The following EVL variants were observed in gnomAD, a reference collection of about 807,000 sequenced individuals.
EVL encodes Enah/Vasp-like, also known as ena/VASP-like protein.
In EVL, 21 loss-of-function variants were observed where a neutral mutation model predicts 59.6. The observed-to-expected ratio is 0.35, with a 90% CI of 0.25 to 0.51. The LOEUF is 0.51. EVL is among the 20% of genes least tolerant of loss of function. The pLI, the probability that EVL is intolerant of heterozygous loss-of-function variation, is 0.97. For synonymous variants in EVL, 198 were observed against 203.5 expected, an observed-to-expected ratio of 0.97 and a Z score of 0.23; for missense variants, 462 against 546.6, an observed-to-expected ratio of 0.85 and a Z score of 1.54.
intron 2 of EVL, among the ~76,000 whole-genome samples, chr14:100,094,830 A>G (rs928912601): frequency 4.6e-5 from 7 of 152,168 alleles, no homozygotes; most frequent in Non-Finnish European, 7.4e-5. Context: ...TCACGAGGTC[A>G]GGAGATTGAG....
chr14:99,982,356 C>G (rs947815733), intron 1 of EVL, among the ~76,000 whole-genome samples: 1 of 151,948 alleles, frequency 6.6e-6, no homozygotes, highest in Admixed American at 6.6e-5. Flanking sequence ...ATAATTTATT[C>G]GTAATATATA....
intron 1 of EVL, among the ~76,000 whole-genome samples, chr14:99,988,832 T>A (rs1227901808): frequency 6.6e-6 from 1 of 152,194 alleles, no homozygotes; most frequent in Admixed American, 6.5e-5. Context: ...ATTGTATGAT[T>A]CCATTTACAT....
intron 3 of EVL, among the ~76,000 whole-genome samples, chr14:100,113,532 C>G (rs563554031): frequency 4.1e-4 from 63 of 152,180 alleles, no homozygotes; most frequent in African/African-American, 1.4e-3. Context: ...GGTCAAAGGC[C>G]CACTAGAATC....
rs577041196 is a variant in EVL, at chr14:100,006,378, G to A, written c.5+34321G>A. Reference sequence around the variant, plus strand: ...TGGCTCACTGCAACCTCCGCCTCCCGTGTTCAAGCAATTCTCCTGCGTCAG... The same window carrying A: ...TGGCTCACTGCAACCTCCGCCTCCCATGTTCAAGCAATTCTCCTGCGTCAG... On this transcript the variant is annotated intron_variant, in intron 1 of 13. Transcript: ENST00000402714. 4.7e-5 allele frequency among the ~76,000 whole-genome samples: 7 copies of A among 149,666 alleles called. No homozygotes were observed. In the South Asian group the frequency reaches 8.5e-4, roughly 18 times the overall value.
In EVL at chr14:100,129,583, C is replaced by T; in HGVS notation, c.738C>T (p.Gly246=). 1.2e-6 allele frequency: 2 copies of T among 1,613,724 alleles called. No homozygotes were observed. Among genetic ancestry groups the T allele is most frequent in the Non-Finnish European group, 1.7e-6 (2 of 1,179,944 alleles). ...RVQRPEDASG[G]SSPSGTSKSD... Reference sequence around the variant, plus strand: ...CTCAGCCAGAAGACGCATCTGGAGGCTCCAGTCCCAGTGGGACCTCAAAGT... The same window carrying T: ...CTCAGCCAGAAGACGCATCTGGAGGTTCCAGTCCCAGTGGGACCTCAAAGT... Residue 246 remains glycine (G), a synonymous_variant, in exon 7 of 14, where the codon GGC becomes GGT. Transcript: ENST00000392920.
intron 11 of EVL, chr14:100,140,950 G>T: frequency 2.0e-6 from 1 of 491,530 alleles, no homozygotes; most frequent in South Asian, 3.1e-5. Flanking sequence ...ACCCCAGCCA[G>T]CCTTGGCTCT....
At chr14:100,009,381 A>G (rs897834535) in intron 1 of EVL, among the ~76,000 whole-genome samples, 6 of 152,186 alleles carry the variant, frequency 3.9e-5, no homozygotes, top group African/African-American at 1.2e-4. Context: ...TGAAATTCCC[A>G]CAGTGTTCAT....
At position 99,972,461 on chromosome 14, in the gene EVL, G is replaced by A. The variant is rs2060740623; in HGVS notation, c.5+404G>A. ...GCCCCTGTGCGGTGCCTTCCAGCCC[G>A]GAGGAGGCTGGCCTGAAGCCCCCAG... On this transcript the variant is annotated intron_variant, in intron 1 of 13. Transcript: ENST00000402714. The surrounding 1 kb of genome is among the most constrained non-coding windows in gnomAD (Gnocchi z 4.4). Among the ~76,000 whole-genome samples the A allele has an allele frequency of 6.6e-6, 1 of 152,162 alleles. No individual in the cohort carries two copies. The highest frequency in any genetic ancestry group is 6.5e-5 in the Admixed American group (1 of 15,286).
rs778275486 is a variant in EVL, at chr14:100,132,698, C to G, written c.840-21C>G. The G allele has an allele frequency of 2.5e-6, 4 of 1,613,908 alleles. No homozygotes were observed. In the South Asian group the frequency reaches 4.4e-5, roughly 18 times the overall value. Reference sequence around the variant, plus strand: ...GAGAACGTGAGGAGCTGATCTGTATCTTCCCCTTCTCTGTGCCTAGGAGAA... The same window carrying G: ...GAGAACGTGAGGAGCTGATCTGTATGTTCCCCTTCTCTGTGCCTAGGAGAA... On this transcript the variant is annotated intron_variant, in intron 7 of 13. Transcript: ENST00000392920.
chr14:100,137,566 A>G lies in EVL; in HGVS notation c.965-12A>G. Reference sequence around the variant, plus strand: ...ACCTGTGAGGTTCTTCATCCATGAAATGAACTGACAGAGGCTGGCCGGAAG... The same window carrying G: ...ACCTGTGAGGTTCTTCATCCATGAAGTGAACTGACAGAGGCTGGCCGGAAG... On this transcript the variant is annotated splice_polypyrimidine_tract_variant and intron_variant, in intron 9 of 13. Transcript: ENST00000392920. 6.2e-7 allele frequency: 1 copy of G among 1,613,696 alleles called. No homozygotes were observed. The highest frequency in any genetic ancestry group is 8.5e-7 in the Non-Finnish European group (1 of 1,179,970).
chr14:100,118,536 CA>C (rs1887494398), intron 3 of EVL, among the ~76,000 whole-genome samples: 1 of 152,200 alleles, frequency 6.6e-6, no homozygotes, highest in African/African-American at 2.4e-5. Flanking sequence ...GAGTGACCGC[CA>C]AACGCCTGTA....
chr14:100,041,263 G>A (rs1662333716), intron 1 of EVL, among the ~76,000 whole-genome samples: 1 of 152,180 alleles, frequency 6.6e-6, no homozygotes, highest in Non-Finnish European at 1.5e-5. Flanking sequence ...ACTCCTAGGT[G>A]TAAGATTATG....
Position 100,109,392 on chromosome 14 carries a change from C to T in EVL, c.358+11734C>T, listed in dbSNP as rs1054203101. The T allele has an allele frequency of 2.8e-6, 1 of 361,438 alleles. No homozygotes were observed. The highest frequency in any genetic ancestry group is 2.1e-5 in the African/African-American group (1 of 46,832). The allele number at this position is 361,438 out of a possible 1,614,324, so 22.4% of individuals were successfully genotyped here. On this transcript the variant is annotated intron_variant, in intron 3 of 13. Transcript: ENST00000392920. The surrounding 1 kb of genome is among the most constrained non-coding windows in gnomAD (Gnocchi z 4.3). ...CTCAGGCACCCCTTCCCAGTCCTCG[C>T]ACACTGTTGGTGTCCCATTTGTTTG...
At chr14:100,136,084 A>T in intron 9 of EVL, 116 bp downstream of exon 9, 2 of 1,192,626 alleles carry the variant, frequency 1.7e-6, no homozygotes, top group Non-Finnish European at 2.4e-6. Context: ...GCAGAGGGCC[A>T]GGCCACAGGG....
At chr14:100,017,929 A>G (rs750840164) in intron 1 of EVL, among the ~76,000 whole-genome samples, 6 of 152,236 alleles carry the variant, frequency 3.9e-5, no homozygotes, top group East Asian at 1.9e-4. Flanking sequence ...CGAGACGGAG[A>G]TAACTGTATG....
At chr14:100,015,662 G>A (rs1222691084) in intron 1 of EVL, among the ~76,000 whole-genome samples, 1 of 152,224 alleles carries the variant, frequency 6.6e-6, no homozygotes, top group Admixed American at 6.5e-5. Flanking sequence ...CTGGTAGAGA[G>A]AGGGAAGGCC....
At chr14:100,048,045 A>G (rs1425056745) in intron 1 of EVL, among the ~76,000 whole-genome samples, 3 of 152,252 alleles carry the variant, frequency 2.0e-5, no homozygotes, top group Non-Finnish European at 1.5e-5. Context: ...GACAATCTTC[A>G]TGACCTGGGA....
upstream of EVL, among the ~76,000 whole-genome samples, chr14:100,061,128 C>T (rs2061820599): frequency 6.6e-6 from 1 of 152,042 alleles, no homozygotes; most frequent in Non-Finnish European, 1.5e-5. Flanking sequence ...TGGTGGCTCA[C>T]GCCTGTAATC....
chr14:100,048,792 G>A (rs990248438), intron 1 of EVL, among the ~76,000 whole-genome samples: 9 of 152,104 alleles, frequency 5.9e-5, no homozygotes, highest in Non-Finnish European at 7.4e-5. Flanking sequence ...ACAACAGCTC[G>A]GATGAATCTC....
Sources: gnomAD v4.1 joint callset for allele counts (sites outside exome capture counted in the v4.1 genomes callset) on GRCh38, gnomAD v4.1.1 for gene constraint, Gnocchi (gnomAD v3.1) non-coding constraint, MANE v1.5 for transcripts, NCBI Gene and HGNC (gene_info 2026-07-23, HGNC 2026-07-21) for gene names.